XG: variants seen among roughly 807,000 people sequenced by gnomAD.
XG encodes glycoprotein Xg.
Under a neutral mutation model 25.7 loss-of-function variants are expected in XG, and 24 were observed. That is an observed-to-expected ratio of 0.93 (90% CI 0.68 to 1.31). The LOEUF (loss-of-function observed/expected upper bound fraction) is 1.31, where lower values mean the gene tolerates loss of function less well. Ranked by LOEUF, XG falls within the 40% of genes most tolerant of loss-of-function variation. The pLI, the probability that XG is intolerant of heterozygous loss-of-function variation, is 0.00. For missense variants in XG, 181 were observed against 187.6 expected (o/e 0.96, Z 0.21); for synonymous variants, 77 against 69.2 (o/e 1.11, Z -0.56).
intron 1 of XG, among the ~76,000 whole-genome samples, chrX:2,762,308 A>G (rs973399225): frequency 8.5e-5 from 13 of 152,168 alleles, no homozygotes; most frequent in Non-Finnish European, 1.3e-4. Flanking sequence ...TGTCTGCTCT[A>G]ATAGAGCTTC....
At position 2,814,517 on chromosome X, in the gene XG, G is replaced by A. The variant is rs1339405460; in HGVS notation, c.*137G>A. ...GTGTTTTCTTCTGTGTAAAGTACATGAGCTGCCTCACTAAGCATTCCCAAC... is the reference window on the plus strand; with the variant it reads ...GTGTTTTCTTCTGTGTAAAGTACATAAGCTGCCTCACTAAGCATTCCCAAC... On this transcript the variant is annotated 3_prime_UTR_variant, in exon 11 of 11. Coordinates refer to ENST00000644266, the MANE Select transcript of XG (RefSeq NM_001141919.2). 2.6e-6 allele frequency: 2 copies of A among 763,564 alleles called. No homozygotes were observed. Among genetic ancestry groups the A allele is most frequent in the Non-Finnish European group, 1.8e-6 (1 of 546,885 alleles). The allele number at this position is 763,564 out of a possible 1,213,427, so 62.9% of individuals were successfully genotyped here. A position where few individuals can be genotyped will look rare whatever the true frequency, so the allele number is the denominator to read the frequency against.
intron 4 of XG, 145 bp downstream of exon 4, chrX:2,782,273 G>T: frequency 1.5e-6 from 1 of 677,579 alleles, no homozygotes; most frequent in South Asian, 2.7e-5. Flanking sequence ...TCCTCACTGG[G>T]GGGAGCAAGA....
chrX:2,755,861 G>A (rs1165129474), intron 1 of XG, among the ~76,000 whole-genome samples: 1 of 152,058 alleles, frequency 6.6e-6, no homozygotes, highest in Non-Finnish European at 1.5e-5. Context: ...CATTCTGCAA[G>A]GCTGGTGCGA....
chrX:2,758,399 G>A (rs1040076872), intron 1 of XG, among the ~76,000 whole-genome samples: 4 of 152,156 alleles, frequency 2.6e-5, no homozygotes, highest in Non-Finnish European at 4.4e-5. Context: ...AGCACCCCAG[G>A]TGATGCCCAA....
chrX:2,766,658 G>A (rs2857325), intron 1 of XG, among the ~76,000 whole-genome samples: 88,149 of 146,312 alleles, frequency 0.6, 26,908 homozygotes, highest in South Asian at 0.78. Context: ...TCCGCCTCCC[G>A]GGTTCACGCC....
At chrX:2,774,540 T>G (rs1385683286) in intron 2 of XG, among the ~76,000 whole-genome samples, 176 bp from the exon 3 acceptor site, 5 of 152,160 alleles carry the variant, frequency 3.3e-5, no homozygotes, top group African/African-American at 1.2e-4. Context: ...GAATGGATTT[T>G]AAGGGTGTTT....
chrX:2,773,210 G>C (rs1208180218), intron 2 of XG, among the ~76,000 whole-genome samples: 2 of 148,894 alleles, frequency 1.3e-5, no homozygotes, highest in Non-Finnish European at 3.0e-5. Flanking sequence ...AAAGGAAGAA[G>C]AGAGGGAACG....
At chrX:2,771,005 C>A (rs186654263) in intron 2 of XG, among the ~76,000 whole-genome samples, 2 of 151,954 alleles carry the variant, frequency 1.3e-5, no homozygotes, top group African/African-American at 2.4e-5. Flanking sequence ...TGCCCCCATG[C>A]CAAGCTAATT....
At chrX:2,797,816 G>C (rs1277321997) in intron 7 of XG, among the ~76,000 whole-genome samples, 3 of 110,999 alleles carry the variant, frequency 2.7e-5, no homozygotes, top group Non-Finnish European at 5.7e-5. Context: ...AGGATTGCTT[G>C]AGCCCAGGAG....
intron 1 of XG, among the ~76,000 whole-genome samples, chrX:2,754,093 T>C (rs901141399): frequency 2.6e-5 from 4 of 152,148 alleles, no homozygotes; most frequent in African/African-American, 4.8e-5. Context: ...TATTTTCTTT[T>C]TTTTAATGTG....
At chrX:2,762,557 G>A (rs2050588579) in intron 1 of XG, among the ~76,000 whole-genome samples, 1 of 152,010 alleles carries the variant, frequency 6.6e-6, no homozygotes, top group South Asian at 2.1e-4. Context: ...CTCCAGCTGT[G>A]TTTGATTTCC....
At chrX:2,793,593 T>G (rs1603457663) in intron 5 of XG, among the ~76,000 whole-genome samples, 1 of 111,969 alleles carries the variant, frequency 8.9e-6, no homozygotes, top group African/African-American at 3.2e-5. Context: ...TGCCTCTTTG[T>G]TTTTTGGGAG....
chrX:2,798,766 A>G (rs1448450714), intron 7 of XG, among the ~76,000 whole-genome samples: 1 of 111,326 alleles, frequency 9.0e-6, no homozygotes, highest in Non-Finnish European at 1.9e-5. Flanking sequence ...TCAGCCTCCC[A>G]TAGTGCTGGG....
intron 4 of XG, among the ~76,000 whole-genome samples, chrX:2,782,330 C>G (rs1159535394): frequency 8.9e-6 from 1 of 112,461 alleles, no homozygotes; most frequent in Non-Finnish European, 1.9e-5. Flanking sequence ...GCTTTGACAT[C>G]TAGAAACCAC....
At chrX:2,777,975 C>T (rs960750538) in intron 3 of XG, among the ~76,000 whole-genome samples, 4 of 152,044 alleles carry the variant, frequency 2.6e-5, no homozygotes, top group African/African-American at 9.7e-5. Context: ...GTGAAAATAG[C>T]TGGAAAAAAA....
At chrX:2,806,988 G>T (rs1288864577) in intron 8 of XG, among the ~76,000 whole-genome samples, 3 of 88,267 alleles carry the variant, frequency 3.4e-5, no homozygotes, top group Non-Finnish European at 6.4e-5. Context: ...GGGTGCATGT[G>T]TGTGCACGTG....
intron 1 of XG, among the ~76,000 whole-genome samples, chrX:2,765,200 A>C (rs311133): frequency 6.6e-6 from 1 of 151,386 alleles, no homozygotes; most frequent in African/African-American, 2.4e-5. Context: ...AAAAAAAATT[A>C]GTTGGGCATA....
intron 6 of XG, among the ~76,000 whole-genome samples, chrX:2,796,181 A>G (rs1262687763): frequency 9.5e-6 from 1 of 105,807 alleles, no homozygotes; most frequent in African/African-American, 3.4e-5. Flanking sequence ...ATATATGCAT[A>G]TGTATATGTC....
At position 2,789,930 on chromosome X, in the gene XG, G is replaced by T. The variant is rs183796355; in HGVS notation, c.253+224G>T. Among the ~76,000 whole-genome samples the T allele has an allele frequency of 3.7e-3, 403 of 110,121 alleles. 1 individual carries two copies. Among genetic ancestry groups the T allele is most frequent in the African/African-American group, 0.012 (371 of 30,328 alleles). ...CTGGCCAGAGTGAAGTGATGTAATTGCAGCCTTGAACTCCTGGGCTCAAGC... is the reference window on the plus strand; with the variant it reads ...CTGGCCAGAGTGAAGTGATGTAATTTCAGCCTTGAACTCCTGGGCTCAAGC... On this transcript the variant is annotated intron_variant, in intron 5 of 10. Coordinates refer to ENST00000644266, the MANE Select transcript of XG (RefSeq NM_001141919.2).
Sources: allele counts gnomAD v4.1 joint callset (sites outside exome capture counted in the v4.1 genomes callset), GRCh38; gene constraint gnomAD v4.1.1; transcripts MANE v1.5; gene names NCBI Gene and HGNC (gene_info 2026-07-23, HGNC 2026-07-21).